SMPD3: variants seen among roughly 807,000 people sequenced by gnomAD.
SMPD3 encodes sphingomyelin phosphodiesterase 3.
SMPD3 carries 21 observed loss-of-function variants against 55.7 expected under a neutral mutation model. The observed-to-expected ratio is 0.38, with a 90% CI of 0.27 to 0.54. SMPD3 has a LOEUF of 0.54. Ranked by LOEUF, SMPD3 falls within the 20% of genes least tolerant of loss-of-function variation. SMPD3 has a pLI of 0.80. For missense variants in SMPD3, 842 were observed against 899.6 expected (o/e 0.94, Z 0.82); for synonymous variants, 457 against 404.3 (o/e 1.13, Z -1.56).
At chr16:68,428,017 T>C (rs931607371) in intron 1 of SMPD3, among the ~76,000 whole-genome samples, 1 of 152,084 alleles carries the variant, frequency 6.6e-6, no homozygotes, top group Non-Finnish European at 1.5e-5. Context: ...CAGGGAAGCA[T>C]CTTCCTGTGC....
At chr16:68,379,669 G>A (rs1175803234) in intron 2 of SMPD3, among the ~76,000 whole-genome samples, 1 of 152,210 alleles carries the variant, frequency 6.6e-6, no homozygotes, top group Non-Finnish European at 1.5e-5. Flanking sequence ...TGGGCTGCTT[G>A]TGCGAGCCCA....
rs1426581692 is a variant in SMPD3 at position 68,365,099 on chromosome 16, G to A, written c.1324-7C>T. Reference sequence around the variant, plus strand: ...GTGTGCTTCCCACCTGCACCTGGGGGAGGAGGGGGTCAGTGCTGCCACCTG... The same window carrying A: ...GTGTGCTTCCCACCTGCACCTGGGGAAGGAGGGGGTCAGTGCTGCCACCTG... On this transcript the variant is annotated splice_polypyrimidine_tract_variant and splice_region_variant and intron_variant, in intron 3 of 8. Coordinates refer to ENST00000219334, the MANE Select transcript of SMPD3 (RefSeq NM_018667.4). The A allele has an allele frequency of 3.7e-6, 6 of 1,613,902 alleles. No homozygotes were observed. The African/African-American group carries it at 4.0e-5, about 11-fold the overall frequency.
intron 1 of SMPD3, among the ~76,000 whole-genome samples, chr16:68,425,197 C>G (rs2152026478): frequency 6.6e-6 from 1 of 152,318 alleles, no homozygotes; most frequent in East Asian, 1.9e-4. Flanking sequence ...AGAATTAGAA[C>G]CTCTGGCTTT....
intron 1 of SMPD3, among the ~76,000 whole-genome samples, chr16:68,402,139 TAC>T (rs372721106): frequency 5.4e-4 from 83 of 152,340 alleles, no homozygotes; most frequent in African/African-American, 1.8e-3. Flanking sequence ...TGGCTCTTCC[TAC>T]AATTAATAAG....
intron 1 of SMPD3, among the ~76,000 whole-genome samples, chr16:68,401,663 C>T (rs1381662403): frequency 6.6e-6 from 1 of 152,156 alleles, no homozygotes; most frequent in East Asian, 1.9e-4. Flanking sequence ...CTTCAATCTT[C>T]TTATTGCAAG....
chr16:68,408,249 G>GA (rs1366116072), intron 1 of SMPD3, among the ~76,000 whole-genome samples: 6 of 152,114 alleles, frequency 3.9e-5, no homozygotes, highest in African/African-American at 1.4e-4. Flanking sequence ...TCTGCAAAGG[G>GA]AAAATTATTT....
rs193061803 is a variant in SMPD3 at position 68,382,526 on chromosome 16, G to A, written c.-207+4072C>T. Among the ~76,000 whole-genome samples, 8 of 152,366 alleles carry A rather than the reference G, an allele frequency of 5.3e-5. No homozygotes were observed. In the East Asian group the frequency reaches 1.5e-3, roughly 29 times the overall value. ...TGCCTCCTAGTTGTGTATAGTTAAGGGTGGGGTGTCCCCGAGGGAGGGTGT... is the reference window on the plus strand; with the variant it reads ...TGCCTCCTAGTTGTGTATAGTTAAGAGTGGGGTGTCCCCGAGGGAGGGTGT... On this transcript the variant is annotated intron_variant, in intron 2 of 8. Coordinates refer to ENST00000219334, the MANE Select transcript of SMPD3 (RefSeq NM_018667.4).
intron 3 of SMPD3, chr16:68,369,459 G>A (rs550877394): frequency 6.5e-4 from 99 of 152,010 alleles, no homozygotes; most frequent in African/African-American, 2.2e-3. Flanking sequence ...GGGGTAGGGG[G>A]CGGGGGAGGG....
At chr16:68,374,725 T>C (rs750129139) in intron 2 of SMPD3, among the ~76,000 whole-genome samples, 11 of 152,106 alleles carry the variant, frequency 7.2e-5, no homozygotes, top group East Asian at 1.9e-4. Flanking sequence ...GGCTGGAGGG[T>C]TCCCCCCCAG....
At chr16:68,369,884 G>C (rs2089600410) in intron 3 of SMPD3, 1 of 152,266 alleles carries the variant, frequency 6.6e-6, no homozygotes, top group Non-Finnish European at 1.5e-5. Context: ...GAGTGTGGTT[G>C]CTTCTGAAGG....
At chr16:68,426,811 A>G (rs1328541010) in intron 1 of SMPD3, among the ~76,000 whole-genome samples, 1 of 152,118 alleles carries the variant, frequency 6.6e-6, no homozygotes, top group Non-Finnish European at 1.5e-5. Context: ...TAACAAGAAT[A>G]ATAATAACCT....
intron 1 of SMPD3, among the ~76,000 whole-genome samples, chr16:68,402,829 C>G (rs1425832405): frequency 6.6e-6 from 1 of 152,226 alleles, no homozygotes; most frequent in Non-Finnish European, 1.5e-5. Flanking sequence ...AGGAATGCAA[C>G]CTCCAACTGG....
At chr16:68,384,909 G>A (rs1031346829) in intron 2 of SMPD3, among the ~76,000 whole-genome samples, 3 of 152,094 alleles carry the variant, frequency 2.0e-5, no homozygotes, top group Non-Finnish European at 2.9e-5. Flanking sequence ...GGCCACCTGC[G>A]GCCTGCTTGG....
intron 1 of SMPD3, among the ~76,000 whole-genome samples, chr16:68,398,072 G>A (rs2090175300): frequency 6.6e-6 from 1 of 152,162 alleles, no homozygotes; most frequent in Non-Finnish European, 1.5e-5. Flanking sequence ...TCCAAGAGGT[G>A]GGTGGGCGTC....
chr16:68,365,420 GCT>G (rs2089447789), intron 3 of SMPD3, among the ~76,000 whole-genome samples: 1 of 152,158 alleles, frequency 6.6e-6, no homozygotes, highest in Non-Finnish European at 1.5e-5. Flanking sequence ...CGTGGCCACG[GCT>G]CTCAGTTCCT....
At chr16:68,396,265 C>T (rs1428050017) in intron 1 of SMPD3, among the ~76,000 whole-genome samples, 2 of 152,164 alleles carry the variant, frequency 1.3e-5, no homozygotes, top group Admixed American at 6.5e-5. Flanking sequence ...CTGCCCTTGT[C>T]CAGCATCTCC....
intron 1 of SMPD3, among the ~76,000 whole-genome samples, chr16:68,442,189 C>A (rs2090572179): frequency 1.3e-5 from 2 of 152,212 alleles, no homozygotes; most frequent in African/African-American, 4.8e-5. Flanking sequence ...AAAGAACATG[C>A]TTTAGGCATT....
At chr16:68,366,405 G>A (rs554199282) in intron 3 of SMPD3, among the ~76,000 whole-genome samples, 4 of 152,312 alleles carry the variant, frequency 2.6e-5, no homozygotes, top group African/African-American at 4.8e-5. Flanking sequence ...CTGGGGGTAC[G>A]AACGTCTGGC....
At chr16:68,369,828 T>G (rs1961576800) in intron 3 of SMPD3, 1 of 152,256 alleles carries the variant, frequency 6.6e-6, no homozygotes, top group African/African-American at 2.4e-5. Context: ...GCTCTGCCAC[T>G]CATGGCAGGC....
Sources: allele counts gnomAD v4.1 joint callset (sites outside exome capture counted in the v4.1 genomes callset), GRCh38; gene constraint gnomAD v4.1.1; transcripts MANE v1.5; gene names NCBI Gene and HGNC (gene_info 2026-07-23, HGNC 2026-07-21).